Variants in MNAT1 observed in about 807,000 individuals in gnomAD.
MNAT1 encodes CDK-activating kinase assembly factor MAT1.
In MNAT1, 43 loss-of-function variants were observed where a neutral mutation model predicts 42.0. The ratio of observed to expected loss-of-function variants is 1.02; its 90% CI spans 0.80 to 1.32. The LOEUF is 1.32. Ranked by LOEUF, MNAT1 falls within the 40% of genes most tolerant of loss-of-function variation. The pLI, the probability that MNAT1 is intolerant of heterozygous loss-of-function variation, is 0.00. For missense variants in MNAT1, 306 were observed against 350.4 expected (o/e 0.87, Z 1.01); for synonymous variants, 118 against 120.0 (o/e 0.98, Z 0.11).
intron 1 of MNAT1, among the ~76,000 whole-genome samples, chr14:60,752,783 G>A (rs2030154502): frequency 1.3e-5 from 2 of 152,106 alleles, no homozygotes; most frequent in Admixed American, 1.3e-4. Flanking sequence ...ATTATTTTTT[G>A]AGATGGAGTC....
rs555921376 is a variant in MNAT1, at chr14:60,780,284, G to C, written c.90-15933G>C. The C allele has an allele frequency of 1.0e-5, 15 of 1,460,490 alleles. No individual in the cohort carries two copies. The South Asian group carries it at 1.5e-4, about 14-fold the overall frequency. 90.5% of individuals were successfully genotyped at this position (1,460,490 alleles called of 1,614,324 possible). ...TGAGGTCCTGGAAAGATGACAGTTT[G>C]ATATTGAGTGTGATAAGACTGCAAA... On this transcript the variant is annotated intron_variant, in intron 1 of 7. Coordinates refer to ENST00000261245, the MANE Select transcript of MNAT1 (RefSeq NM_002431.4).
intron 7 of MNAT1, among the ~76,000 whole-genome samples, chr14:60,933,132 G>A (rs4151369): frequency 0.023 from 3,474 of 152,058 alleles, 153 homozygotes; most frequent in African/African-American, 0.08. Context: ...ATATGGAAGA[G>A]CCTAGAATAC....
chr14:60,792,171 A>G (rs983771384), intron 1 of MNAT1, among the ~76,000 whole-genome samples: 1 of 152,100 alleles, frequency 6.6e-6, no homozygotes, highest in African/African-American at 2.4e-5. Flanking sequence ...ATGAATCCTT[A>G]AACGCATTTC....
In MNAT1 at chr14:60,785,692, A is replaced by G. The variant is rs113316914; in HGVS notation, c.90-10525A>G. Among the ~76,000 whole-genome samples the G allele has an allele frequency of 7.4e-4, 113 of 152,286 alleles. 1 individual carries two copies. Among genetic ancestry groups the G allele is most frequent in the African/African-American group, 2.5e-3 (104 of 41,564 alleles). On this transcript the variant is annotated intron_variant, in intron 1 of 7. Transcript: ENST00000261245. ...TTATATAGCTTATATAATTTAGTCT[A>G]TAATTATTTGCTAGTATCAACTGTT...
At chr14:60,783,713 G>A (rs2031543946) in intron 1 of MNAT1, among the ~76,000 whole-genome samples, 1 of 152,122 alleles carries the variant, frequency 6.6e-6, no homozygotes, top group African/African-American at 2.4e-5. Context: ...AGCCAGGACG[G>A]TCTCGATCTC....
intron 6 of MNAT1, among the ~76,000 whole-genome samples, chr14:60,863,586 T>C (rs1212245632): frequency 1.3e-5 from 2 of 152,134 alleles, no homozygotes; most frequent in African/African-American, 4.8e-5. Flanking sequence ...TTACTAAATA[T>C]ACCTATCCAT....
At chr14:60,927,723 T>C (rs770803251) in intron 7 of MNAT1, among the ~76,000 whole-genome samples, 2 of 152,176 alleles carry the variant, frequency 1.3e-5, no homozygotes, top group Non-Finnish European at 2.9e-5. Flanking sequence ...TTTCTGCTCA[T>C]TGTTGCTGCC....
chr14:60,926,753 T>C (rs2035775898), intron 7 of MNAT1, among the ~76,000 whole-genome samples: 1 of 152,062 alleles, frequency 6.6e-6, no homozygotes, highest in Non-Finnish European at 1.5e-5. Flanking sequence ...GCTCTGTTGA[T>C]TATATCATTG....
intron 1 of MNAT1, among the ~76,000 whole-genome samples, chr14:60,763,002 A>G (rs1050048176): frequency 6.6e-5 from 10 of 152,190 alleles, no homozygotes; most frequent in African/African-American, 1.7e-4. Context: ...CTTATAAATC[A>G]TCTAGTACAA....
chr14:60,834,815 G>T (rs1385345563), intron 6 of MNAT1, among the ~76,000 whole-genome samples: 1 of 152,092 alleles, frequency 6.6e-6, no homozygotes, highest in African/African-American at 2.4e-5. Flanking sequence ...CTCTTTGTAG[G>T]TCTCTAAGAA....
chr14:60,811,912 A>C, intron 4 of MNAT1, 75 bp from the exon 5 acceptor site: 1 of 1,067,738 alleles, frequency 9.4e-7, no homozygotes, highest in East Asian at 2.6e-5. Context: ...CCAATAAAGA[A>C]AGTATTAGAG....
At chr14:60,860,270 T>C (rs911930633) in intron 6 of MNAT1, among the ~76,000 whole-genome samples, 2 of 152,090 alleles carry the variant, frequency 1.3e-5, no homozygotes, top group African/African-American at 4.8e-5. Flanking sequence ...GTGGGTAGCA[T>C]TTTGTAGACA....
chr14:60,859,422 T>C (rs2034042592), intron 6 of MNAT1, among the ~76,000 whole-genome samples: 1 of 152,218 alleles, frequency 6.6e-6, no homozygotes, highest in African/African-American at 2.4e-5. Flanking sequence ...CAAGTCCTCA[T>C]GGAATTCCTC....
At chr14:60,933,497 T>TC (rs990925530) in intron 7 of MNAT1, among the ~76,000 whole-genome samples, 1 of 152,074 alleles carries the variant, frequency 6.6e-6, no homozygotes, top group African/African-American at 2.4e-5. Context: ...CAAGGGAAAG[T>TC]CACAGGTTAA....
chr14:60,864,391 A>G (rs2034160838), intron 6 of MNAT1, among the ~76,000 whole-genome samples: 1 of 152,016 alleles, frequency 6.6e-6, no homozygotes, highest in Admixed American at 6.6e-5. Flanking sequence ...CAAATGTTTA[A>G]TAAATAAATT....
At chr14:60,771,612 A>G (rs569732984) in intron 1 of MNAT1, among the ~76,000 whole-genome samples, 18 of 152,306 alleles carry the variant, frequency 1.2e-4, no homozygotes, top group African/African-American at 4.1e-4. Flanking sequence ...TCTGTCTTAC[A>G]TGATCATTCT....
intron 6 of MNAT1, among the ~76,000 whole-genome samples, chr14:60,868,706 A>G (rs1420564427): frequency 6.6e-6 from 1 of 152,176 alleles, no homozygotes; most frequent in Non-Finnish European, 1.5e-5. Context: ...GCCACAGAGT[A>G]AGCACAATGT....
chr14:60,856,481 CAT>C (rs2033961130), intron 6 of MNAT1, among the ~76,000 whole-genome samples: 1 of 152,144 alleles, frequency 6.6e-6, no homozygotes, highest in Non-Finnish European at 1.5e-5. Flanking sequence ...ATTTCTATAA[CAT>C]AAAAGTTGCT....
At chr14:60,935,660 A>G (rs2035979673) in intron 7 of MNAT1, among the ~76,000 whole-genome samples, 1 of 152,250 alleles carries the variant, frequency 6.6e-6, no homozygotes, top group Non-Finnish European at 1.5e-5. Context: ...TCACAGAATG[A>G]CAAGTGATGG....
Sources: gnomAD v4.1 joint callset for allele counts (sites outside exome capture counted in the v4.1 genomes callset) on GRCh38, gnomAD v4.1.1 for gene constraint, MANE v1.5 for transcripts, NCBI Gene and HGNC (gene_info 2026-07-23, HGNC 2026-07-21) for gene names.